Variants in QTMAN observed in about 807,000 individuals in gnomAD.
The protein encoded by QTMAN is queuosine-tRNA mannosyltransferase.
At chr2:144,319,609 C>T in the QTMAN span, 1 of 151,820 alleles carries the variant, frequency 6.6e-6, no homozygotes, top group Non-Finnish European at 1.5e-5. Context: ...CATAGTAGGG[C>T]TTGGTGCCAT....
chr2:144,034,848 T>C, the QTMAN span, among the ~76,000 whole-genome samples: 1 of 152,172 alleles, frequency 6.6e-6, no homozygotes, highest in Non-Finnish European at 1.5e-5. Context: ...ATGACCACTT[T>C]AGTGACAGCC....
the QTMAN span, among the ~76,000 whole-genome samples, chr2:144,000,846 T>C: frequency 2.0e-5 from 3 of 151,972 alleles, no homozygotes; most frequent in African/African-American, 4.8e-5. Flanking sequence ...GATTTACACA[T>C]AACATTGAAA....
chr2:144,198,679 T>C, the QTMAN span, among the ~76,000 whole-genome samples: 2 of 152,188 alleles, frequency 1.3e-5, no homozygotes, highest in Middle Eastern at 3.2e-3. Flanking sequence ...TTTATGTGAT[T>C]TTGAATTGAG....
At chr2:144,123,950 T>C in the QTMAN span, among the ~76,000 whole-genome samples, 1 of 152,138 alleles carries the variant, frequency 6.6e-6, no homozygotes, top group Non-Finnish European at 1.5e-5. Flanking sequence ...TTAACCAAAC[T>C]TGTAAGAATA....
the QTMAN span, among the ~76,000 whole-genome samples, chr2:143,948,975 C>T: frequency 6.6e-6 from 1 of 152,044 alleles, no homozygotes; most frequent in Non-Finnish European, 1.5e-5. Flanking sequence ...AATGACTCAA[C>T]TGTAGACATA....
the QTMAN span, among the ~76,000 whole-genome samples, chr2:144,326,115 C>T: frequency 1.3e-5 from 2 of 152,170 alleles, no homozygotes; most frequent in South Asian, 2.1e-4. Flanking sequence ...ATTAAACTCA[C>T]TTCTTCATAA....
chr2:144,019,899 G>A, the QTMAN span, among the ~76,000 whole-genome samples: 1 of 152,168 alleles, frequency 6.6e-6, no homozygotes, highest in African/African-American at 2.4e-5. Flanking sequence ...ACTGAAATGT[G>A]GGGATGCCAC....
At chr2:143,998,591 G>A in the QTMAN span, among the ~76,000 whole-genome samples, 2 of 151,960 alleles carry the variant, frequency 1.3e-5, no homozygotes, top group East Asian at 3.9e-4. Flanking sequence ...TTTCACATAA[G>A]AGTTTAAAAA....
the QTMAN span, among the ~76,000 whole-genome samples, chr2:144,274,674 G>T: frequency 6.6e-6 from 1 of 152,206 alleles, no homozygotes; most frequent in Non-Finnish European, 1.5e-5. Flanking sequence ...CACCCCACCA[G>T]ACTTGTCCTA....
At chr2:144,315,427 G>T in the QTMAN span, among the ~76,000 whole-genome samples, 5 of 152,190 alleles carry the variant, frequency 3.3e-5, no homozygotes, top group Non-Finnish European at 5.9e-5. Context: ...GGAACAATCA[G>T]CATGTCTTTT....
chr2:144,062,199 T>C, the QTMAN span, among the ~76,000 whole-genome samples: 3 of 152,206 alleles, frequency 2.0e-5, no homozygotes, highest in Admixed American at 2.0e-4. Context: ...GACCCTGCCA[T>C]GGGGCTGGAG....
chr2:144,174,939 G>A, the QTMAN span, among the ~76,000 whole-genome samples: 2 of 152,124 alleles, frequency 1.3e-5, no homozygotes, highest in Admixed American at 1.3e-4. Flanking sequence ...AAAACAGTGA[G>A]GGAATCAGGA....
chr2:144,189,630 T>C, the QTMAN span, among the ~76,000 whole-genome samples: 3 of 152,054 alleles, frequency 2.0e-5, no homozygotes, highest in African/African-American at 7.2e-5. Context: ...CTTTTTTTTT[T>C]CTCTGAGACA....
chr2:144,088,036 G>A, the QTMAN span, among the ~76,000 whole-genome samples: 1 of 151,946 alleles, frequency 6.6e-6, no homozygotes, highest in Admixed American at 6.6e-5. Context: ...TTGCTGATAT[G>A]ATCTTATGTG....
chr2:144,196,364 C>T, the QTMAN span, among the ~76,000 whole-genome samples: 1 of 151,800 alleles, frequency 6.6e-6, no homozygotes, highest in African/African-American at 2.4e-5. Flanking sequence ...ACATTCTTAT[C>T]TACTTTAATT....
chr2:144,124,976 T>A, the QTMAN span, among the ~76,000 whole-genome samples: 1 of 152,148 alleles, frequency 6.6e-6, no homozygotes, highest in African/African-American at 2.4e-5. Flanking sequence ...ATCCAAAGGT[T>A]TGAAAAGAAT....
At chr2:144,248,855 A>C in the QTMAN span, among the ~76,000 whole-genome samples, 1 of 151,984 alleles carries the variant, frequency 6.6e-6, no homozygotes. Context: ...GTCTCATCTC[A>C]CATATACTGT....
At chr2:144,310,373 A>T in the QTMAN span, among the ~76,000 whole-genome samples, 6 of 152,252 alleles carry the variant, frequency 3.9e-5, no homozygotes, top group African/African-American at 1.2e-4. Context: ...GCAATATCAT[A>T]TACAGCCTTA....
the QTMAN span, among the ~76,000 whole-genome samples, chr2:144,121,775 T>C: frequency 6.6e-6 from 1 of 152,220 alleles, no homozygotes; most frequent in Non-Finnish European, 1.5e-5. Flanking sequence ...ACTCATTCCA[T>C]CTACTTTGGG....
Sources: gnomAD v4.1 joint callset for allele counts (sites outside exome capture counted in the v4.1 genomes callset) on GRCh38, gnomAD v4.1.1 for gene constraint, MANE v1.5 for transcripts, NCBI Gene and HGNC (gene_info 2026-07-23, HGNC 2026-07-21) for gene names.